Variants in SDK1 observed in about 807,000 individuals in gnomAD.
SDK1 encodes the protein protein sidekick-1.
Under a neutral mutation model 245.5 loss-of-function variants are expected in SDK1, and 157 were observed. That is an observed-to-expected ratio of 0.64 (90% CI 0.56 to 0.73). The LOEUF (loss-of-function observed/expected upper bound fraction) is 0.73. Ranked by LOEUF, SDK1 falls within the 30% of genes least tolerant of loss-of-function variation. SDK1 has a pLI of 0.00. For synonymous variants in SDK1, 1,647 were observed against 1,278.5 expected, an observed-to-expected ratio of 1.29 and a Z score of -6.15; for missense variants, 3,583 against 3,002.3, an observed-to-expected ratio of 1.19 and a Z score of -4.52.
intron 35 of SDK1, among the ~76,000 whole-genome samples, chr7:4,198,110 T>C (rs868489336): frequency 6.6e-6 from 1 of 152,212 alleles, no homozygotes; most frequent in African/African-American, 2.4e-5. Flanking sequence ...AGCCAGCCTG[T>C]GCCCTCCTGG....
chr7:3,681,269 A>T (rs1231495493), intron 4 of SDK1, among the ~76,000 whole-genome samples: 2 of 152,192 alleles, frequency 1.3e-5, no homozygotes, highest in Non-Finnish European at 1.5e-5. Context: ...CTTTGAACAT[A>T]GTTTTTGTAG....
At chr7:4,082,765 C>A (rs906639982) in intron 22 of SDK1, among the ~76,000 whole-genome samples, 1 of 151,982 alleles carries the variant, frequency 6.6e-6, no homozygotes, top group Non-Finnish European at 1.5e-5. Flanking sequence ...GGACCACAGG[C>A]GTGTGCCACC....
At chr7:3,901,484 C>T (rs1358967721) in intron 5 of SDK1, among the ~76,000 whole-genome samples, 1 of 152,182 alleles carries the variant, frequency 6.6e-6, no homozygotes, top group Non-Finnish European at 1.5e-5. Flanking sequence ...AGTTAACTAT[C>T]GTAATGACCC....
intron 13 of SDK1, among the ~76,000 whole-genome samples, chr7:3,978,522 C>T (rs939346485): frequency 6.6e-6 from 1 of 152,128 alleles, no homozygotes; most frequent in Non-Finnish European, 1.5e-5. Context: ...ACAGTTGTTC[C>T]TCGTGAATTG....
intron 4 of SDK1, among the ~76,000 whole-genome samples, chr7:3,669,037 C>T (rs967659986): frequency 2.6e-5 from 4 of 152,134 alleles, no homozygotes; most frequent in Non-Finnish European, 5.9e-5. Flanking sequence ...AAGAAGTTTA[C>T]CACTTACCAA....
intron 4 of SDK1, among the ~76,000 whole-genome samples, chr7:3,759,781 C>T (rs1282819257): frequency 6.6e-6 from 1 of 151,912 alleles, no homozygotes; most frequent in African/African-American, 2.4e-5. Flanking sequence ...TTAGCAGAGA[C>T]GGGGTTTCAC....
At position 3,581,923 on chromosome 7, in the gene SDK1, G is replaced by A. The variant is rs551650087; in HGVS notation, c.299-37157G>A. Among the ~76,000 whole-genome samples, 207 of 152,302 alleles carry A rather than the reference G, an allele frequency of 1.4e-3. 1 individual carries two copies. The highest frequency in any genetic ancestry group is 3.4e-3 in the Middle Eastern group (1 of 294). ...AGAAAACCAAATATCACATATTCTC[G>A]TCAGTGGGAGCTAAATGATGAGAAC... On this transcript the variant is annotated intron_variant, in intron 1 of 44. Transcript: ENST00000404826.
At chr7:4,143,200 G>C (rs1488982595) in intron 28 of SDK1, among the ~76,000 whole-genome samples, 1 of 152,156 alleles carries the variant, frequency 6.6e-6, no homozygotes, top group Non-Finnish European at 1.5e-5. Flanking sequence ...AGCTGCAGGG[G>C]CCTAAGGCAC....
chr7:4,097,590 C>T (rs1018731209), intron 22 of SDK1, among the ~76,000 whole-genome samples: 1 of 152,190 alleles, frequency 6.6e-6, no homozygotes, highest in Non-Finnish European at 1.5e-5. Context: ...TCCACCTGGC[C>T]ACCTGTTACC....
chr7:3,718,289 T>C (rs1300109469), intron 4 of SDK1, among the ~76,000 whole-genome samples: 1 of 152,014 alleles, frequency 6.6e-6, no homozygotes, highest in Non-Finnish European at 1.5e-5. Flanking sequence ...TCACTTGGGC[T>C]CAGAAGTTGG....
chr7:3,498,519 G>A (rs772402090), intron 1 of SDK1, among the ~76,000 whole-genome samples: 83 of 152,242 alleles, frequency 5.5e-4, no homozygotes, highest in Non-Finnish European at 8.8e-4. Context: ...TATATTGTGG[G>A]TAATAAAGAT....
At chr7:3,455,101 T>C (rs572139770) in intron 1 of SDK1, among the ~76,000 whole-genome samples, 1 of 152,160 alleles carries the variant, frequency 6.6e-6, no homozygotes, top group Non-Finnish European at 1.5e-5. Context: ...TCATATGATA[T>C]CTGTTCGTGT....
chr7:3,865,351 T>C (rs1204927714), intron 5 of SDK1, among the ~76,000 whole-genome samples: 2 of 152,194 alleles, frequency 1.3e-5, no homozygotes, highest in Non-Finnish European at 2.9e-5. Flanking sequence ...CCACTCCCTT[T>C]GGAGGGATGT....
chr7:3,832,861 A>T (rs1779944360), intron 5 of SDK1, among the ~76,000 whole-genome samples: 1 of 151,962 alleles, frequency 6.6e-6, no homozygotes, highest in Admixed American at 6.6e-5. Context: ...AATCTAGTAT[A>T]CCTCTATGTT....
chr7:3,639,644 T>C (rs1294585141), intron 3 of SDK1, among the ~76,000 whole-genome samples: 1 of 152,122 alleles, frequency 6.6e-6, no homozygotes, highest in East Asian at 1.9e-4. Flanking sequence ...ACAAAGGAGA[T>C]ATCAAGAATG....
intron 1 of SDK1, among the ~76,000 whole-genome samples, chr7:3,603,090 T>C (rs1781302364): frequency 6.6e-6 from 1 of 151,640 alleles, no homozygotes; most frequent in Admixed American, 6.6e-5. Context: ...TGTAGCCTTG[T>C]AGTATAGTTT....
intron 4 of SDK1, among the ~76,000 whole-genome samples, chr7:3,703,319 G>T (rs1259880481): frequency 1.3e-5 from 2 of 152,110 alleles, no homozygotes; most frequent in Non-Finnish European, 2.9e-5. Flanking sequence ...TAACACTTGG[G>T]TGAATGAGTC....
At chr7:3,595,017 A>G (rs1344103021) in intron 1 of SDK1, among the ~76,000 whole-genome samples, 1 of 152,210 alleles carries the variant, frequency 6.6e-6, no homozygotes, top group Non-Finnish European at 1.5e-5. Flanking sequence ...TTAATTTAAC[A>G]AAAATGGGTG....
At chr7:3,547,633 G>A (rs773157246) in intron 1 of SDK1, among the ~76,000 whole-genome samples, 2 of 152,204 alleles carry the variant, frequency 1.3e-5, no homozygotes, top group Admixed American at 6.5e-5. Context: ...CCTAGTCCAT[G>A]CTTGTCCATG....
Sources: gnomAD v4.1 joint callset for allele counts (sites outside exome capture counted in the v4.1 genomes callset) on GRCh38, gnomAD v4.1.1 for gene constraint, MANE v1.5 for transcripts, NCBI Gene and HGNC (gene_info 2026-07-23, HGNC 2026-07-21) for gene names.